Variants in IDH3A observed in about 807,000 individuals in gnomAD.
The protein encoded by IDH3A is isocitrate dehydrogenase (NAD(+)) 3 catalytic subunit alpha.
A neutral mutation model predicts 43.3 loss-of-function variants in IDH3A; 23 were observed. The ratio of observed to expected loss-of-function variants is 0.53; its 90% CI spans 0.38 to 0.75. The LOEUF (loss-of-function observed/expected upper bound fraction) is 0.75. Among genes scored for constraint, IDH3A ranks in the 30% least tolerant of loss-of-function variants. The probability of loss-of-function intolerance (pLI) is 0.00; values close to 1 mark genes in which losing one functional copy is unlikely to be tolerated. For synonymous variants in IDH3A, 154 were observed against 163.5 expected, an observed-to-expected ratio of 0.94 and a Z score of 0.44; for missense variants, 329 against 474.4, an observed-to-expected ratio of 0.69 and a Z score of 2.85.
chr15:78,161,605 C>T lies in IDH3A; in HGVS notation c.314C>T (p.Ala105Val). 1 of 1,613,814 alleles carries T rather than the reference C, an allele frequency of 6.2e-7. No homozygotes were observed. Among genetic ancestry groups the T allele is most frequent in the Non-Finnish European group, 8.5e-7 (1 of 1,180,008 alleles). Reference sequence around the variant, plus strand: ...GGCCCTTTGAAGACCCCAATAGCAGCCGGTCACCCATCTATGAATTTACTG... The same window carrying T: ...GGCCCTTTGAAGACCCCAATAGCAGTCGGTCACCCATCTATGAATTTACTG... ...LKGPLKTPIA[A>V]GHPSMNLLLR... Residue 105 changes from alanine (A) to valine (V), a missense_variant, in exon 5 of 11, where the codon GCC becomes GTC. Physicochemically the swap from Ala to Val is moderately conservative, Grantham distance 64 (BLOSUM62 0). Coordinates refer to ENST00000299518, the MANE Select transcript of IDH3A (RefSeq NM_005530.3). This position sits in a 1 kb window ranked among gnomAD's most constrained non-coding sequence, Gnocchi z 4.8.
At chr15:78,168,579 C>CTTAT (rs1244201034) in intron 10 of IDH3A, 1 of 171,358 alleles carries the variant, frequency 5.8e-6, no homozygotes, top group African/African-American at 2.4e-5. Context: ...TATGAAACTT[C>CTTAT]TTATTTAGAT....
intron 7 of IDH3A, 42 bp from the exon 8 acceptor site, chr15:78,163,674 T>C: frequency 6.4e-7 from 1 of 1,571,126 alleles, no homozygotes; most frequent in Non-Finnish European, 8.8e-7. Flanking sequence ...GTTGTGGGGA[T>C]GCAGATTTTG....
In IDH3A at chr15:78,155,256, C is replaced by T; in HGVS notation, c.71C>T (p.Thr24Ile). 6.2e-7 allele frequency: 1 copy of T among 1,612,408 alleles called. No homozygotes were observed. Among genetic ancestry groups the T allele is most frequent in the Non-Finnish European group, 8.5e-7 (1 of 1,178,668 alleles). The change falls in exon 2 of 11, where the codon ACC becomes ATC. Residue 24 changes from threonine (T) to isoleucine (I), a missense_variant. Thr to Ile is a moderately conservative substitution (Grantham distance 89). This residue lies in a region of IDH3A where 212 missense variants were observed against 345.5 expected (regional missense o/e 0.61). Coordinates refer to ENST00000299518, the MANE Select transcript of IDH3A (RefSeq NM_005530.3). Reference protein sequence around the residue: ...LGAFHNPKQVTRGFTGGVQTV... With the variant: ...LGAFHNPKQVIRGFTGGVQTV... ...GCATTCCACAACCCAAAACAGGTGA[C>T]CAGAGGTTTTACTGGTGGTGTGAGT...
At chr15:78,155,296 T>C in intron 2 of IDH3A, 21 bp downstream of exon 2, 1 of 1,562,090 alleles carries the variant, frequency 6.4e-7, no homozygotes, top group Non-Finnish European at 8.8e-7. Flanking sequence ...TTATGTCTTT[T>C]ATTTTTTCCT....
intron 5 of IDH3A, 43 bp from the exon 6 acceptor site, chr15:78,162,191 C>T (rs1479858651): frequency 1.2e-6 from 2 of 1,611,354 alleles, no homozygotes; most frequent in African/African-American, 2.7e-5. Context: ...CACTGCGTTG[C>T]TGTCACACTC....
At chr15:78,158,440 C>T (rs1290083713) in intron 3 of IDH3A, among the ~76,000 whole-genome samples, 1 of 70,696 alleles carries the variant, frequency 1.4e-5, no homozygotes, top group Non-Finnish European at 2.5e-5. Flanking sequence ...TTATGCAATA[C>T]ATACATACAT....
rs1365324862 is a variant in IDH3A, at chr15:78,168,167, C to T, written c.1018-755C>T. 10 of 151,876 alleles carry T rather than the reference C, an allele frequency of 6.6e-5. No individual in the cohort carries two copies. The East Asian group carries it at 1.7e-3, about 26-fold the overall frequency. 9.4% of individuals were successfully genotyped at this position (151,876 alleles called of 1,614,324 possible). A position where few individuals can be genotyped will look rare whatever the true frequency, so the allele number is the denominator to read the frequency against. ...TTTAGGCAGGTGTGGTGGTGCATGC[C>T]TGTAGTTGCAGCTATAGGCTGAGGC... On this transcript the variant is annotated intron_variant, in intron 10 of 10. Coordinates refer to ENST00000299518, the MANE Select transcript of IDH3A (RefSeq NM_005530.3).
In IDH3A at chr15:78,171,312, G is replaced by A; in HGVS notation, c.*2307G>A. Reference sequence around the variant, plus strand: ...AAGACCTGGTAAATGTAGAGCCAGTGCTGTGCCCTGACCTGGAGATCTAAC... The same window carrying A: ...AAGACCTGGTAAATGTAGAGCCAGTACTGTGCCCTGACCTGGAGATCTAAC... On this transcript the variant is annotated 3_prime_UTR_variant, in exon 11 of 11. Transcript: ENST00000299518. The A allele has an allele frequency of 1.5e-6, 1 of 659,290 alleles. No individual in the cohort carries two copies. Among genetic ancestry groups the A allele is most frequent in the Non-Finnish European group, 2.6e-6 (1 of 382,596 alleles). The allele number at this position is 659,290 out of a possible 1,614,324, so 40.8% of individuals were successfully genotyped here.
chr15:78,167,401 T>C (rs2074757267), intron 10 of IDH3A: 2 of 152,232 alleles, frequency 1.3e-5, no homozygotes, highest in Admixed American at 1.3e-4. Flanking sequence ...TAAGCAATTG[T>C]GGCCTGTGGA....
intron 1 of IDH3A, among the ~76,000 whole-genome samples, chr15:78,153,754 C>T (rs1367899533): frequency 6.6e-6 from 1 of 152,116 alleles, no homozygotes; most frequent in Non-Finnish European, 1.5e-5. Flanking sequence ...TGTGGTGGCT[C>T]ATGCCTGTAA....
chr15:78,160,145 A>C lies in IDH3A; in HGVS notation c.228A>C (p.Gly76=), dbSNP rs1294434816. 6.2e-7 allele frequency: 1 copy of C among 1,613,746 alleles called. No homozygotes were observed. Among genetic ancestry groups the C allele is most frequent in the Non-Finnish European group, 8.5e-7 (1 of 1,179,788 alleles). Residue 76 remains glycine, a synonymous_variant, in exon 4 of 11, where the codon GGA becomes GGC. Transcript: ENST00000299518. ...RNVTAIQGPG[G]KWMIPSEAKE... ...TCACTGCCATTCAAGGACCTGGAGGAAAGTGGATGATCCCTTCAGAGGCTA... is the reference window on the plus strand; with the variant it reads ...TCACTGCCATTCAAGGACCTGGAGGCAAGTGGATGATCCCTTCAGAGGCTA...
rs2074742419 is a variant in IDH3A at position 78,166,315 on chromosome 15, T to C, written c.1017+13T>C. On this transcript the variant is annotated intron_variant, in intron 10 of 10. Coordinates refer to ENST00000299518, the MANE Select transcript of IDH3A (RefSeq NM_005530.3). Reference sequence around the variant, plus strand: ...TAAGGACGGAAAGGTAACAGGAATCTTGATTTACTTGTGCTGGGTAAAATG... The same window carrying C: ...TAAGGACGGAAAGGTAACAGGAATCCTGATTTACTTGTGCTGGGTAAAATG... 1 of 1,613,442 alleles carries C rather than the reference T, an allele frequency of 6.2e-7. No homozygotes were observed. Among genetic ancestry groups the C allele is most frequent in the Non-Finnish European group, 8.5e-7 (1 of 1,179,378 alleles).
At chr15:78,167,850 A>G (rs1394788510) in intron 10 of IDH3A, 2 of 152,228 alleles carry the variant, frequency 1.3e-5, no homozygotes, top group East Asian at 1.9e-4. Context: ...TTGAAATTAT[A>G]TCGTGTGGCC....
chr15:78,162,706 C>T (rs558895134), intron 6 of IDH3A, among the ~76,000 whole-genome samples: 8 of 152,118 alleles, frequency 5.3e-5, no homozygotes, highest in South Asian at 2.1e-4. Context: ...CCACCATGAC[C>T]GGCTAATTTT....
intron 1 of IDH3A, 74 bp downstream of exon 1, chr15:78,149,504 G>A: frequency 7.4e-7 from 1 of 1,351,416 alleles, no homozygotes; most frequent in Non-Finnish European, 9.9e-7. Context: ...TCGCGTGCCG[G>A]GTGTGGGCGG....
intron 9 of IDH3A, 47 bp from the exon 10 acceptor site, chr15:78,166,103 T>C: frequency 6.3e-7 from 1 of 1,579,210 alleles, no homozygotes; most frequent in Non-Finnish European, 8.7e-7. Context: ...AAGAGGACTG[T>C]TAGTTTTTGT....
In IDH3A at chr15:78,161,874, T is replaced by C. The variant is rs2074684316; in HGVS notation, c.477+106T>C. 9.9e-7 allele frequency: 1 copy of C among 1,006,838 alleles called. No individual in the cohort carries two copies. 62.4% of individuals were successfully genotyped at this position (1,006,838 alleles called of 1,614,324 possible). A position where few individuals can be genotyped will look rare whatever the true frequency, so the allele number is the denominator to read the frequency against. ...ATCTCTGTGAGGAGTTGTGGGTGTT[T>C]GTCTTGGTGCTGGGTGTCTGGCTGA... On this transcript the variant is annotated intron_variant, in intron 5 of 10. Coordinates refer to ENST00000299518, the MANE Select transcript of IDH3A (RefSeq NM_005530.3). This position sits in a 1 kb window ranked among gnomAD's most constrained non-coding sequence, Gnocchi z 4.8.
chr15:78,157,824 C>CT (rs1009643108), intron 3 of IDH3A, among the ~76,000 whole-genome samples, 193 bp downstream of exon 3: 128 of 144,060 alleles, frequency 8.9e-4, no homozygotes, highest in African/African-American at 1.9e-3. Context: ...TTCTTTCTTT[C>CT]TTTTTTTTTT....
Position 78,169,114 on chromosome 15 carries a change from C to T in IDH3A, c.*109C>T. ...TTGGTTTGCTTGTTTCTTGACAGTA[C>T]ATTTTTAGATCTGGCCTTTTCTTAA... On this transcript the variant is annotated 3_prime_UTR_variant, in exon 11 of 11. Coordinates refer to ENST00000299518, the MANE Select transcript of IDH3A (RefSeq NM_005530.3). 3.2e-6 allele frequency: 2 copies of T among 616,814 alleles called. No individual in the cohort carries two copies. Among genetic ancestry groups the T allele is most frequent in the Non-Finnish European group, 2.7e-6 (1 of 363,948 alleles). The allele number at this position is 616,814 out of a possible 1,614,324, so 38.2% of individuals were successfully genotyped here.
Sources: allele counts gnomAD v4.1 joint callset (sites outside exome capture counted in the v4.1 genomes callset), GRCh38; gene constraint gnomAD v4.1.1; regional missense constraint gnomAD v4.1.1; non-coding constraint Gnocchi (gnomAD v3.1); transcripts MANE v1.5; gene names NCBI Gene and HGNC (gene_info 2026-07-23, HGNC 2026-07-21).